Variants in MYOCD observed in about 807,000 individuals in gnomAD.
MYOCD encodes myocardin.
In MYOCD, 32 loss-of-function variants were observed where a neutral mutation model predicts 96.1. The observed-to-expected ratio is 0.33, with a 90% confidence interval of 0.25 to 0.45. The LOEUF (loss-of-function observed/expected upper bound fraction) is 0.45. Ranked by LOEUF, MYOCD falls within the 20% of genes least tolerant of loss-of-function variation. The pLI, the probability that MYOCD is intolerant of heterozygous loss-of-function variation, is 1.00. For synonymous variants in MYOCD, 469 were observed against 469.0 expected, an observed-to-expected ratio of 1.00 and a Z score of 0.00; for missense variants, 1,133 against 1,200.6, an observed-to-expected ratio of 0.94 and a Z score of 0.83.
At chr17:12,758,308 G>A in intron 12 of MYOCD, 95 bp downstream of exon 12, 1 of 1,566,842 alleles carries the variant, frequency 6.4e-7, no homozygotes, top group Non-Finnish European at 8.7e-7. Context: ...TGTAAATTCT[G>A]ATATTGAGTG....
At chr17:12,737,230 G>A (rs1481210010) in intron 6 of MYOCD, among the ~76,000 whole-genome samples, 2 of 152,024 alleles carry the variant, frequency 1.3e-5, no homozygotes, top group Non-Finnish European at 2.9e-5. Context: ...ACTCCAGCCT[G>A]GGCAACAAGA....
chr17:12,669,046 G>T (rs1468017198), intron 1 of MYOCD, among the ~76,000 whole-genome samples: 1 of 152,196 alleles, frequency 6.6e-6, no homozygotes, highest in East Asian at 1.9e-4. Context: ...TGATTGTGCT[G>T]TGTGGCAATT....
At chr17:12,667,059 A>G (rs1366670379) in intron 1 of MYOCD, among the ~76,000 whole-genome samples, 1 of 152,228 alleles carries the variant, frequency 6.6e-6, no homozygotes, top group Non-Finnish European at 1.5e-5. Context: ...CTGGTTAACA[A>G]CACACTCAAC....
At chr17:12,727,724 C>A (rs969343229) in intron 5 of MYOCD, among the ~76,000 whole-genome samples, 1 of 152,166 alleles carries the variant, frequency 6.6e-6, no homozygotes, top group Non-Finnish European at 1.5e-5. Context: ...GAATCTAGAA[C>A]CTCTCCCAAC....
intron 1 of MYOCD, among the ~76,000 whole-genome samples, chr17:12,703,246 G>A (rs1342603365): frequency 6.6e-6 from 1 of 151,780 alleles, no homozygotes; most frequent in Admixed American, 6.6e-5. Context: ...TATATAATAT[G>A]TTGTGTCTCC....
At chr17:12,702,090 G>T (rs1567578668) in intron 1 of MYOCD, among the ~76,000 whole-genome samples, 2 of 151,958 alleles carry the variant, frequency 1.3e-5, no homozygotes. Flanking sequence ...AATCCTCTAT[G>T]TCATTAGTAT....
intron 5 of MYOCD, among the ~76,000 whole-genome samples, chr17:12,724,586 CATT>C (rs576047593): frequency 2.6e-5 from 4 of 152,150 alleles, no homozygotes; most frequent in African/African-American, 9.6e-5. Context: ...TCATCTTTTT[CATT>C]ATATTTTCTG....
chr17:12,713,730 T>A, intron 2 of MYOCD, among the ~76,000 whole-genome samples: 1 of 152,058 alleles, frequency 6.6e-6, no homozygotes. Context: ...TTTGCAGAAC[T>A]CCCTCGACAT....
At chr17:12,696,688 T>C (rs1289963685) in intron 1 of MYOCD, among the ~76,000 whole-genome samples, 3 of 152,218 alleles carry the variant, frequency 2.0e-5, no homozygotes, top group Admixed American at 6.5e-5. Flanking sequence ...CCTGTTCCCT[T>C]TGTTCATACT....
intron 4 of MYOCD, among the ~76,000 whole-genome samples, chr17:12,717,641 C>A (rs994659110): frequency 6.6e-6 from 1 of 152,210 alleles, no homozygotes; most frequent in African/African-American, 2.4e-5. Context: ...GGGCTCTAAT[C>A]TCAGCTGTGC....
chr17:12,676,019 C>T (rs575210702), intron 1 of MYOCD, among the ~76,000 whole-genome samples: 3 of 152,044 alleles, frequency 2.0e-5, no homozygotes, highest in South Asian at 2.1e-4. Flanking sequence ...AAACTGTATT[C>T]GTATCTACAT....
intron 6 of MYOCD, among the ~76,000 whole-genome samples, chr17:12,737,476 A>C (rs2032381041): frequency 6.6e-6 from 1 of 152,120 alleles, no homozygotes; most frequent in South Asian, 2.1e-4. Flanking sequence ...AGTATGGCAG[A>C]GTGTCAGCCA....
At chr17:12,684,954 A>G (rs1351876979) in intron 1 of MYOCD, among the ~76,000 whole-genome samples, 1 of 151,998 alleles carries the variant, frequency 6.6e-6, no homozygotes, top group East Asian at 1.9e-4. Flanking sequence ...TACACTTATG[A>G]AGCCAGCCCT....
intron 2 of MYOCD, 110 bp from the exon 3 acceptor site, chr17:12,715,409 G>C: frequency 1.3e-6 from 1 of 781,716 alleles, no homozygotes; most frequent in Non-Finnish European, 2.0e-6. Flanking sequence ...CCTAATAAAG[G>C]CAATCACCTC....
At chr17:12,686,245 GA>G (rs2030112814) in intron 1 of MYOCD, among the ~76,000 whole-genome samples, 1 of 152,332 alleles carries the variant, frequency 6.6e-6, no homozygotes, top group South Asian at 2.1e-4. Flanking sequence ...GCCCTCCAAG[GA>G]GCCTTTGACA....
At chr17:12,699,507 A>G (rs2030956298) in intron 1 of MYOCD, among the ~76,000 whole-genome samples, 1 of 152,226 alleles carries the variant, frequency 6.6e-6, no homozygotes, top group Non-Finnish European at 1.5e-5. Flanking sequence ...GCCCGAAATC[A>G]GTGTTCCAGC....
At chr17:12,739,082 A>C (rs1327110157) in intron 6 of MYOCD, 121 bp from the exon 7 acceptor site, 1 of 1,151,328 alleles carries the variant, frequency 8.7e-7, no homozygotes, top group Non-Finnish European at 1.2e-6. Context: ...GAGTAGGCTG[A>C]TATTTACTTG....
intron 1 of MYOCD, among the ~76,000 whole-genome samples, chr17:12,697,796 G>T (rs924804047): frequency 6.6e-6 from 1 of 152,096 alleles, no homozygotes; most frequent in Non-Finnish European, 1.5e-5. Flanking sequence ...TTAGAACTTA[G>T]CACCTAGAAA....
chr17:12,696,477 AT>A (rs139605518), intron 1 of MYOCD, among the ~76,000 whole-genome samples: 13,332 of 152,094 alleles, frequency 0.088, 610 homozygotes, highest in Middle Eastern at 0.15. Context: ...TGTGTTTACT[AT>A]TTTGAGGAGC....
Sources: allele counts gnomAD v4.1 joint callset (sites outside exome capture counted in the v4.1 genomes callset), GRCh38; gene constraint gnomAD v4.1.1; transcripts MANE v1.5; gene names NCBI Gene and HGNC (gene_info 2026-07-23, HGNC 2026-07-21).